Variants in LMNTD1 observed in about 807,000 individuals in gnomAD.
The protein encoded by LMNTD1 is lamin tail domain containing 1.
Under a neutral mutation model 50.9 loss-of-function variants are expected in LMNTD1, and 35 were observed. That is an observed-to-expected ratio of 0.69 (90% CI 0.53 to 0.91). The LOEUF (loss-of-function observed/expected upper bound fraction) is 0.91. Ranked by LOEUF, LMNTD1 falls within the 40% of genes least tolerant of loss-of-function variation. The probability of loss-of-function intolerance (pLI) is 0.00; values close to 1 mark genes in which losing one functional copy is unlikely to be tolerated. For synonymous variants in LMNTD1, 153 were observed against 161.9 expected (o/e 0.94, Z 0.42); for missense variants, 470 against 475.5 (o/e 0.99, Z 0.11).
chr12:25,585,193 TCCTTCATAAAGGCTCA>T (rs1945469414), intron 1 of LMNTD1, among the ~76,000 whole-genome samples: 1 of 152,184 alleles, frequency 6.6e-6, no homozygotes. Flanking sequence ...ATTTGAACAT[TCCTTCATAAAGGCTCA>T]CCCTCAGCAA....
chr12:25,576,514 A>C (rs1365425798), intron 1 of LMNTD1, among the ~76,000 whole-genome samples: 3 of 151,926 alleles, frequency 2.0e-5, no homozygotes, highest in African/African-American at 7.3e-5. Context: ...TGTTCATATC[A>C]TTTGCCCACT....
intron 1 of LMNTD1, among the ~76,000 whole-genome samples, chr12:25,602,069 A>G (rs1042439949): frequency 6.6e-6 from 1 of 152,034 alleles, no homozygotes; most frequent in South Asian, 2.1e-4. Context: ...AAATTTGACT[A>G]TATCTATCCA....
chr12:25,549,628 T>A, intron 2 of LMNTD1, 82 bp from the exon 3 acceptor site: 1 of 684,660 alleles, frequency 1.5e-6, no homozygotes, highest in Non-Finnish European at 2.2e-6. Context: ...GCTATTATTA[T>A]TACCCAGAAT....
At chr12:25,612,226 C>T (rs932814346) in intron 1 of LMNTD1, among the ~76,000 whole-genome samples, 11 of 151,348 alleles carry the variant, frequency 7.3e-5, no homozygotes, top group African/African-American at 2.4e-4. Flanking sequence ...AATGAATGAA[C>T]AATCTGGAAA....
intron 1 of LMNTD1, among the ~76,000 whole-genome samples, chr12:25,614,101 C>T (rs986220874): frequency 2.0e-5 from 3 of 151,928 alleles, no homozygotes; most frequent in Non-Finnish European, 2.9e-5. Flanking sequence ...AAAAAAGTGT[C>T]CATTGGGTTT....
chr12:25,629,740 A>G (rs1474073135), intron 1 of LMNTD1, among the ~76,000 whole-genome samples: 2 of 152,204 alleles, frequency 1.3e-5, no homozygotes, highest in South Asian at 2.1e-4. Flanking sequence ...GTTTATTGCT[A>G]TCATGGCTAT....
intron 1 of LMNTD1, among the ~76,000 whole-genome samples, chr12:25,596,323 T>A (rs1945844850): frequency 6.6e-6 from 1 of 152,006 alleles, no homozygotes; most frequent in Admixed American, 6.6e-5. Flanking sequence ...CTAAAATCCT[T>A]AACAGAATAC....
chr12:25,588,985 T>C (rs555801465), intron 1 of LMNTD1, among the ~76,000 whole-genome samples: 3 of 152,246 alleles, frequency 2.0e-5, no homozygotes, highest in Non-Finnish European at 4.4e-5. Context: ...AAGACAACAT[T>C]AAGTCTTAGT....
At chr12:25,584,390 T>C (rs954623311) in intron 1 of LMNTD1, among the ~76,000 whole-genome samples, 1 of 152,228 alleles carries the variant, frequency 6.6e-6, no homozygotes, top group Non-Finnish European at 1.5e-5. Context: ...CTGTACTCTT[T>C]AAGCTATGGC....
intron 1 of LMNTD1, among the ~76,000 whole-genome samples, chr12:25,614,773 C>A (rs774187592): frequency 5.3e-5 from 8 of 152,044 alleles, no homozygotes; most frequent in Non-Finnish European, 1.2e-4. Flanking sequence ...GACTGGGTGA[C>A]CTAAACAACA....
At chr12:25,645,775 A>G (rs1332165983) in intron 1 of LMNTD1, among the ~76,000 whole-genome samples, 3 of 152,178 alleles carry the variant, frequency 2.0e-5, no homozygotes, top group African/African-American at 7.2e-5. Flanking sequence ...TTAAACTGGG[A>G]TATGGCTACC....
At chr12:25,579,960 C>A (rs1945208679) in intron 1 of LMNTD1, among the ~76,000 whole-genome samples, 1 of 152,006 alleles carries the variant, frequency 6.6e-6, no homozygotes, top group African/African-American at 2.4e-5. Context: ...TCTCTGATAC[C>A]CAGAGAAGAA....
At chr12:25,637,051 G>A (rs1469903855) in intron 1 of LMNTD1, among the ~76,000 whole-genome samples, 1 of 152,140 alleles carries the variant, frequency 6.6e-6, no homozygotes, top group Non-Finnish European at 1.5e-5. Context: ...TACTGCTTAG[G>A]TGATGGGTGC....
intron 6 of LMNTD1, among the ~76,000 whole-genome samples, chr12:25,522,516 A>G (rs994947361): frequency 1.3e-5 from 2 of 152,204 alleles, no homozygotes; most frequent in African/African-American, 4.8e-5. Context: ...GTTCTATCAC[A>G]TTACTTATCA....
At chr12:25,506,943 G>A (rs1402763789) in intron 8 of LMNTD1, among the ~76,000 whole-genome samples, 3 of 151,840 alleles carry the variant, frequency 2.0e-5, no homozygotes, top group African/African-American at 7.2e-5. Context: ...GTAATGATGC[G>A]ATCTTGGCTC....
chr12:25,641,340 C>A (rs143804118), intron 1 of LMNTD1, among the ~76,000 whole-genome samples: 1 of 151,954 alleles, frequency 6.6e-6, no homozygotes, highest in Non-Finnish European at 1.5e-5. Context: ...AAAAAATGAA[C>A]AGCAATAAGA....
At chr12:25,550,583 T>C (rs528257958) in intron 2 of LMNTD1, among the ~76,000 whole-genome samples, 8 of 152,222 alleles carry the variant, frequency 5.3e-5, no homozygotes, top group Non-Finnish European at 1.2e-4. Context: ...ATCTCTGTTT[T>C]GATCTATTTC....
intron 1 of LMNTD1, among the ~76,000 whole-genome samples, chr12:25,620,897 T>C (rs1056956489): frequency 6.6e-6 from 1 of 152,188 alleles, no homozygotes; most frequent in African/African-American, 2.4e-5. Context: ...ACCAACACTA[T>C]GCAATAGGTG....
At position 25,633,104 on chromosome 12, in the gene LMNTD1, G is replaced by A. The variant is rs148977356; in HGVS notation, c.58+15390C>T. On this transcript the variant is annotated intron_variant, in intron 1 of 7. Transcript: ENST00000445693. ...GAGGGACATCATGTAATGGTAAAAGGCCTTGTCCAACAGGAAAATATCACG... is the reference window on the plus strand; with the variant it reads ...GAGGGACATCATGTAATGGTAAAAGACCTTGTCCAACAGGAAAATATCACG... Among the ~76,000 whole-genome samples, 621 of 151,392 alleles carry A rather than the reference G, an allele frequency of 4.1e-3. 1 individual carries two copies. Among genetic ancestry groups the A allele is most frequent in the African/African-American group, 0.014 (580 of 41,394 alleles).
Sources: allele counts gnomAD v4.1 joint callset (sites outside exome capture counted in the v4.1 genomes callset), GRCh38; gene constraint gnomAD v4.1.1; transcripts MANE v1.5; gene names NCBI Gene and HGNC (gene_info 2026-07-23, HGNC 2026-07-21).